Variants in ACAP3 observed in about 807,000 individuals in gnomAD.
ACAP3 encodes arf-GAP with coiled-coil, ANK repeat and PH domain-containing protein 3.
ACAP3 carries 56 observed loss-of-function variants against 104.1 expected under a neutral mutation model. The ratio of observed to expected loss-of-function variants is 0.54; its 90% CI spans 0.43 to 0.67. The LOEUF (loss-of-function observed/expected upper bound fraction) is 0.67, where lower values mean the gene tolerates loss of function less well. ACAP3 is among the 30% of genes least tolerant of loss of function. The probability of loss-of-function intolerance (pLI) is 0.00; values close to 1 mark genes in which losing one functional copy is unlikely to be tolerated. For missense variants in ACAP3, 1,208 were observed against 1,174.9 expected (o/e 1.03, Z -0.41); for synonymous variants, 628 against 496.2 (o/e 1.27, Z -3.53).
chr1:1,303,449 G>T lies in ACAP3; in HGVS notation c.106-168C>A. 9.3e-6 allele frequency: 9 copies of T among 966,576 alleles called. No homozygotes were observed. The highest frequency in any genetic ancestry group is 1.0e-5 in the Non-Finnish European group (7 of 674,362). 59.9% of individuals were successfully genotyped at this position (966,576 alleles called of 1,614,324 possible). A position where few individuals can be genotyped will look rare whatever the true frequency, so the allele number is the denominator to read the frequency against. On this transcript the variant is annotated intron_variant, in intron 2 of 23. Transcript: ENST00000354700. The surrounding 1 kb of genome is among the most constrained non-coding windows in gnomAD (Gnocchi z 4.0). ...GCTTCCTCACGCCTGGGCCTGCCTG[G>T]GGCTTGGAGGCCCGTCTGGGAGGGG...
intron 9 of ACAP3, 190 bp from the exon 10 acceptor site, chr1:1,299,546 G>C (rs888880021): frequency 1.0e-5 from 8 of 790,856 alleles, no homozygotes; most frequent in Non-Finnish European, 1.6e-5. Context: ...GATGGTGGCC[G>C]GGGCTGCTGT....
chr1:1,294,214 C>T lies in ACAP3; in HGVS notation c.2140-15G>A, dbSNP rs755081307. On this transcript the variant is annotated splice_polypyrimidine_tract_variant and intron_variant, in intron 21 of 23. Coordinates refer to ENST00000354700, the MANE Select transcript of ACAP3 (RefSeq NM_030649.3). ...ATCAAGGAGCCCTGGGGAGCCGGGGCAACTCAGACGGAGCCACGGCACCGG... is the reference window on the plus strand; with the variant it reads ...ATCAAGGAGCCCTGGGGAGCCGGGGTAACTCAGACGGAGCCACGGCACCGG... 2.2e-5 allele frequency: 34 copies of T among 1,569,162 alleles called. No individual in the cohort carries two copies. The highest frequency in any genetic ancestry group is 2.9e-5 in the Non-Finnish European group (34 of 1,156,822).
In ACAP3 at chr1:1,303,005, G is replaced by C; in HGVS notation, c.226-30C>G. 1 of 1,600,306 alleles carries C rather than the reference G, an allele frequency of 6.2e-7. No homozygotes were observed. The highest frequency in any genetic ancestry group is 1.1e-5 in the South Asian group (1 of 89,338). ...AGGAGCAGATGGGAACCCGTGCTGAGATGGCAAATCCGGGCCCAGGTCACC... is the reference window on the plus strand; with the variant it reads ...AGGAGCAGATGGGAACCCGTGCTGACATGGCAAATCCGGGCCCAGGTCACC... On this transcript the variant is annotated intron_variant, in intron 3 of 23. Coordinates refer to ENST00000354700, the MANE Select transcript of ACAP3 (RefSeq NM_030649.3). This position sits in a 1 kb window ranked among gnomAD's most constrained non-coding sequence, Gnocchi z 4.0.
At position 1,300,009 on chromosome 1, in the gene ACAP3, G is replaced by A. The variant is rs777703006; in HGVS notation, c.627C>T (p.His209=). Residue 209 remains histidine (H), a synonymous_variant, in exon 8 of 24, where the codon CAC becomes CAT. Coordinates refer to ENST00000354700, the MANE Select transcript of ACAP3 (RefSeq NM_030649.3). ...SFFQQGYSLL[H]QLDPYMKKLA... is the part of the protein sequence containing the mutation. The stretch of plus-strand genomic sequence containing the variant: ...GCTTCTTCATGTAGGGGTCCAGCTG[G>A]TGCAGGAGGCTGTAGCCCTGCTGGA... 2 of 1,612,506 alleles carry A rather than the reference G, an allele frequency of 1.2e-6. No homozygotes were observed. The highest frequency in any genetic ancestry group is 1.7e-6 in the Non-Finnish European group (2 of 1,179,824).
chr1:1,298,460 C>T, intron 11 of ACAP3, 39 bp from the exon 12 acceptor site: 4 of 1,592,836 alleles, frequency 2.5e-6, no homozygotes, highest in Non-Finnish European at 3.4e-6. Flanking sequence ...AGGCGGGGCC[C>T]ATCCCAGGGC....
chr1:1,300,801 C>T (rs1444889430), intron 5 of ACAP3, 109 bp from the exon 6 acceptor site: 5 of 1,196,610 alleles, frequency 4.2e-6, no homozygotes, highest in Non-Finnish European at 4.7e-6. Flanking sequence ...GACGGAGTTT[C>T]GCTCTTGTCA....
Position 1,302,955 on chromosome 1 carries a change from A to C in ACAP3, c.246T>G (p.Ala82=). ...AGTTCACCACCTCCTGTAGGCTGTC[A>C]GCGAACCTCTGCAGACATTCCTGGA... is the stretch of plus-strand genomic sequence containing the variant. ...TVISECLQRF[A]DSLQEVVNYH... Residue 82 remains alanine, a synonymous_variant, in exon 4 of 24, where the codon GCT becomes GCG. Coordinates refer to ENST00000354700, the MANE Select transcript of ACAP3 (RefSeq NM_030649.3). 1 of 1,611,494 alleles carries C rather than the reference A, an allele frequency of 6.2e-7. No homozygotes were observed. The highest frequency in any genetic ancestry group is 1.1e-5 in the South Asian group (1 of 90,830).
chr1:1,304,219 C>T (rs1641582205), intron 1 of ACAP3, 76 bp from the exon 2 acceptor site: 4 of 1,507,570 alleles, frequency 2.7e-6, no homozygotes, highest in South Asian at 1.2e-5. Flanking sequence ...CCCGCACCTC[C>T]CTGAGGGGCT....
At chr1:1,302,841 C>G in intron 4 of ACAP3, 81 bp downstream of exon 4, 1 of 1,066,008 alleles carries the variant, frequency 9.4e-7, no homozygotes, top group Non-Finnish European at 1.3e-6. Flanking sequence ...CCCCCCAACC[C>G]GACGCCGGCC....
chr1:1,293,978 G>A (rs1333098064), intron 22 of ACAP3, 45 bp from the exon 23 acceptor site: 2 of 1,478,782 alleles, frequency 1.4e-6, no homozygotes, highest in East Asian at 2.7e-5. Context: ...GGGCGGGGCG[G>A]GGCGAGTGTG....
chr1:1,304,212 G>C, intron 1 of ACAP3, 69 bp from the exon 2 acceptor site: 1 of 1,522,974 alleles, frequency 6.6e-7, no homozygotes. Context: ...ACCTCCCCCC[G>C]CACCTCCCTG....
In ACAP3 at chr1:1,293,413, G is replaced by A. The variant is rs1195626001; in HGVS notation, c.*151C>T. ...AGTGTGGGGCCCTCGCTCTCCTCCT[G>A]GGCGAGCAGGGCCGCGGCGCCCCAG... On this transcript the variant is annotated 3_prime_UTR_variant, in exon 24 of 24. Coordinates refer to ENST00000354700, the MANE Select transcript of ACAP3 (RefSeq NM_030649.3). The A allele has an allele frequency of 5.3e-6, 4 of 756,762 alleles. No individual in the cohort carries two copies. Among genetic ancestry groups the A allele is most frequent in the Non-Finnish European group, 5.4e-6 (3 of 559,034 alleles). The allele number at this position is 756,762 out of a possible 1,614,324, so 46.9% of individuals were successfully genotyped here.
At chr1:1,295,060 C>A (rs12041067) in intron 19 of ACAP3, 41,866 of 566,698 alleles carry the variant, frequency 0.074, 7,001 homozygotes, top group East Asian at 0.54. Flanking sequence ...CCTTCCCTCC[C>A]GCTCGCCGCC....
intron 13 of ACAP3, 24 bp downstream of exon 13, chr1:1,297,989 C>G (rs1284958033): frequency 6.2e-7 from 1 of 1,611,384 alleles, no homozygotes; most frequent in Admixed American, 1.7e-5. Flanking sequence ...GCCCCCCGCC[C>G]CACCCTGGGC....
chr1:1,295,114 G>C (rs1641062633), intron 19 of ACAP3: 1 of 552,038 alleles, frequency 1.8e-6, no homozygotes, highest in South Asian at 2.3e-5. Context: ...CCCGTCTGTG[G>C]CTGGCCCAGG....
chr1:1,303,459 GC>G lies in ACAP3; in HGVS notation c.106-179del. The G allele has an allele frequency of 2.8e-6, 1 of 351,116 alleles. No individual in the cohort carries two copies. Among genetic ancestry groups the G allele is most frequent in the South Asian group, 2.1e-5 (1 of 47,514 alleles). The allele number at this position is 351,116 out of a possible 1,614,324, so 21.8% of individuals were successfully genotyped here. A position where few individuals can be genotyped will look rare whatever the true frequency, so the allele number is the denominator to read the frequency against. ...GCCTGGGCCTGCCTGGGGCTTGGAGGCCCGTCTGGGAGGGGAGGGTGGGGCC... is the reference window on the plus strand; with the variant it reads ...GCCTGGGCCTGCCTGGGGCTTGGAGGCCGTCTGGGAGGGGAGGGTGGGGCC... On this transcript the variant is annotated intron_variant, in intron 2 of 23. Transcript: ENST00000354700. The surrounding 1 kb of genome is among the most constrained non-coding windows in gnomAD (Gnocchi z 4.0).
In ACAP3 at chr1:1,302,804, C is replaced by G. The variant is rs567548429; in HGVS notation, c.279+118G>C. 11 of 331,622 alleles carry G rather than the reference C, an allele frequency of 3.3e-5. No individual in the cohort carries two copies. The East Asian group carries it at 1.1e-3, about 32-fold the overall frequency. The allele number at this position is 331,622 out of a possible 1,614,324, so 20.5% of individuals were successfully genotyped here. On this transcript the variant is annotated intron_variant, in intron 4 of 23. Transcript: ENST00000354700. ...CTTGAAAATGTGGGATTCCCCCCCC[C>G]CCCGACTAGAGGAGCAGAAACGTGC... is the stretch of plus-strand genomic sequence containing the variant.
rs1363653048 is a variant in ACAP3, at chr1:1,293,612, G to C, written c.2457C>G (p.Phe819Leu). The change falls in exon 24 of 24, where the codon TTC becomes TTG. Residue 819 changes from phenylalanine to leucine, a missense_variant. Physicochemically the swap from Phe to Leu is conservative, Grantham distance 22. Coordinates refer to ENST00000354700, the MANE Select transcript of ACAP3 (RefSeq NM_030649.3). Reference protein sequence around the residue: ...ALAGSPTELQFRRCIQEFISL... With the variant: ...ALAGSPTELQLRRCIQEFISL... ...TGATGAACTCCTGGATACACCTGCG[G>C]AACTGGAGCTCCGTGGGGCTGCCCG... The C allele has an allele frequency of 1.3e-6, 2 of 1,496,870 alleles. No homozygotes were observed. The highest frequency in any genetic ancestry group is 2.9e-5 in the African/African-American group (2 of 68,564). 92.7% of individuals were successfully genotyped at this position (1,496,870 alleles called of 1,614,324 possible).
At position 1,294,705 on chromosome 1, in the gene ACAP3, A is replaced by G. The variant is rs1432430593; in HGVS notation, c.1912+13T>C. ...TGGGCAGGGGCCTCGGGCGAGGGCA[A>G]GACGCCACCCACCCTCCTCAGTGAC... On this transcript the variant is annotated intron_variant, in intron 20 of 23. Transcript: ENST00000354700. 1.3e-6 allele frequency: 2 copies of G among 1,548,934 alleles called. No homozygotes were observed.
Sources: gnomAD v4.1 joint callset for allele counts on GRCh38, gnomAD v4.1.1 for gene constraint, Gnocchi (gnomAD v3.1) non-coding constraint, MANE v1.5 for transcripts, NCBI Gene and HGNC (gene_info 2026-07-23, HGNC 2026-07-21) for gene names.